ALCAM: variants seen among roughly 807,000 people sequenced by gnomAD.
ALCAM encodes CD166 antigen.
ALCAM carries 30 observed loss-of-function variants against 70.9 expected under a neutral mutation model. The ratio of observed to expected loss-of-function variants is 0.42; its 90% CI spans 0.32 to 0.57. ALCAM has a LOEUF of 0.57. ALCAM is among the 20% of genes least tolerant of loss of function. The probability of loss-of-function intolerance (pLI) is 0.11; values close to 1 mark genes in which losing one functional copy is unlikely to be tolerated. For missense variants in ALCAM, 591 were observed against 695.1 expected, an observed-to-expected ratio of 0.85 and a Z score of 1.68; for synonymous variants, 249 against 242.5, an observed-to-expected ratio of 1.03 and a Z score of -0.25.
chr3:105,460,230 C>G (rs1251277693), intron 1 of ALCAM, among the ~76,000 whole-genome samples: 1 of 151,968 alleles, frequency 6.6e-6, no homozygotes, highest in African/African-American at 2.4e-5. Context: ...AGATGTTATT[C>G]CCTTCCCATA....
At chr3:105,450,602 G>A (rs745925914) in intron 1 of ALCAM, among the ~76,000 whole-genome samples, 21 of 152,118 alleles carry the variant, frequency 1.4e-4, no homozygotes, top group Non-Finnish European at 2.1e-4. Context: ...GATAATAATA[G>A]TAATATTTGT....
At chr3:105,387,370 A>G (rs1045653453) in intron 1 of ALCAM, among the ~76,000 whole-genome samples, 14 of 151,372 alleles carry the variant, frequency 9.2e-5, no homozygotes, top group Non-Finnish European at 1.9e-4. Flanking sequence ...ATATTGCACA[A>G]TCTATTAGCT....
At chr3:105,545,464 T>C in intron 9 of ALCAM, 129 bp downstream of exon 9, 3 of 598,714 alleles carry the variant, frequency 5.0e-6, no homozygotes, top group Non-Finnish European at 8.9e-6. Flanking sequence ...TCTCTCTCTC[T>C]GTTTCTGATA....
intron 1 of ALCAM, among the ~76,000 whole-genome samples, chr3:105,512,630 A>AAC (rs1322931777): frequency 6.6e-6 from 1 of 151,944 alleles, no homozygotes; most frequent in Non-Finnish European, 1.5e-5. Context: ...ATCTCCAGTT[A>AAC]AGCTAGTTCC....
At chr3:105,394,991 T>G (rs1413105104) in intron 1 of ALCAM, among the ~76,000 whole-genome samples, 1 of 151,958 alleles carries the variant, frequency 6.6e-6, no homozygotes, top group African/African-American at 2.4e-5. Flanking sequence ...GCAAGCAAGG[T>G]AATAATGACT....
chr3:105,544,688 A>G (rs1940201610), intron 8 of ALCAM: 1 of 164,686 alleles, frequency 6.1e-6, no homozygotes, highest in African/African-American at 2.4e-5. Flanking sequence ...TAAGATTTTT[A>G]TAAAGATTGT....
At chr3:105,510,157 G>A (rs1270274985) in intron 1 of ALCAM, among the ~76,000 whole-genome samples, 2 of 152,036 alleles carry the variant, frequency 1.3e-5, no homozygotes, top group East Asian at 3.9e-4. Flanking sequence ...GGGGTGGTCG[G>A]TGTGGAGAAT....
At chr3:105,552,318 C>CA in intron 13 of ALCAM, 136 bp downstream of exon 13, 1 of 1,288,550 alleles carries the variant, frequency 7.8e-7, no homozygotes, top group Non-Finnish European at 1.1e-6. Flanking sequence ...AGTAAGAATG[C>CA]TAAAATTTTA....
intron 1 of ALCAM, among the ~76,000 whole-genome samples, chr3:105,368,966 G>A (rs907802703): frequency 1.3e-5 from 2 of 152,174 alleles, no homozygotes; most frequent in African/African-American, 4.8e-5. Flanking sequence ...ACAACGCTGG[G>A]GAGGTAGGTG....
chr3:105,367,560 C>T, intron 1 of ALCAM, 79 bp downstream of exon 1: 1 of 1,529,226 alleles, frequency 6.5e-7, no homozygotes, highest in Non-Finnish European at 9.0e-7. Context: ...AGCCTCGCAC[C>T]CCCGAGGCAG....
chr3:105,372,832 A>T (rs776739130), intron 1 of ALCAM, among the ~76,000 whole-genome samples: 3 of 152,168 alleles, frequency 2.0e-5, no homozygotes, highest in Non-Finnish European at 4.4e-5. Context: ...CCCAAGTAAG[A>T]CTAAAAACAT....
At chr3:105,569,142 C>T (rs1940808390) in intron 14 of ALCAM, among the ~76,000 whole-genome samples, 1 of 151,626 alleles carries the variant, frequency 6.6e-6, no homozygotes, top group South Asian at 2.1e-4. Context: ...TCTCTAGTTG[C>T]TCCAAACAAG....
intron 2 of ALCAM, among the ~76,000 whole-genome samples, chr3:105,521,270 C>T (rs1038511858): frequency 1.5e-5 from 2 of 135,436 alleles, no homozygotes; most frequent in African/African-American, 5.6e-5. Context: ...CACTGCAGTC[C>T]GCAGTCCGGC....
rs1936665234 is a variant in ALCAM, at chr3:105,422,090, T to C, written c.73+54609T>C. ...CCCACTTATAAGTGAGAACATACAGTATTTGAGTTTCCATTCCTGAGTGAC... is the reference window on the plus strand; with the variant it reads ...CCCACTTATAAGTGAGAACATACAGCATTTGAGTTTCCATTCCTGAGTGAC... On this transcript the variant is annotated intron_variant, in intron 1 of 15. Coordinates refer to ENST00000306107, the MANE Select transcript of ALCAM (RefSeq NM_001627.4). Among the ~76,000 whole-genome samples, 2 of 151,552 alleles carry C rather than the reference T, an allele frequency of 1.3e-5. 1 individual carries two copies. The highest frequency in any genetic ancestry group is 4.8e-5 in the African/African-American group (2 of 41,454).
intron 14 of ALCAM, among the ~76,000 whole-genome samples, chr3:105,557,485 G>A (rs780708526): frequency 2.0e-5 from 3 of 152,018 alleles, no homozygotes; most frequent in Non-Finnish European, 4.4e-5. Flanking sequence ...AAAATATAAT[G>A]TGTTCATATT....
At chr3:105,376,223 T>C (rs1935375310) in intron 1 of ALCAM, among the ~76,000 whole-genome samples, 1 of 152,116 alleles carries the variant, frequency 6.6e-6, no homozygotes, top group Non-Finnish European at 1.5e-5. Context: ...ATGAGAATGT[T>C]CTTTTGATGT....
chr3:105,368,815 T>A (rs538962627), intron 1 of ALCAM, among the ~76,000 whole-genome samples: 6 of 152,172 alleles, frequency 3.9e-5, no homozygotes, highest in African/African-American at 1.4e-4. Context: ...GTTACATTTC[T>A]GGGTGAGGTA....
At chr3:105,373,838 A>G (rs899239650) in intron 1 of ALCAM, among the ~76,000 whole-genome samples, 9 of 152,214 alleles carry the variant, frequency 5.9e-5, no homozygotes, top group Admixed American at 1.3e-4. Flanking sequence ...ATTAAACTCC[A>G]TATGGCAGCA....
chr3:105,545,059 A>G (rs1940211114), intron 8 of ALCAM, 164 bp from the exon 9 acceptor site: 2 of 582,892 alleles, frequency 3.4e-6, no homozygotes, highest in South Asian at 3.4e-5. Flanking sequence ...TTGAAAAACT[A>G]GGCTAATCAT....
Sources: gnomAD v4.1 joint callset for allele counts (sites outside exome capture counted in the v4.1 genomes callset) on GRCh38, gnomAD v4.1.1 for gene constraint, MANE v1.5 for transcripts, NCBI Gene and HGNC (gene_info 2026-07-23, HGNC 2026-07-21) for gene names.